ABHD2: variants seen among roughly 807,000 people sequenced by gnomAD.
ABHD2 encodes abhydrolase domain containing 2, acylglycerol lipase, also known as monoacylglycerol lipase ABHD2.
In ABHD2, 20 loss-of-function variants were observed where a neutral mutation model predicts 48.1. The observed-to-expected ratio is 0.42, with a 90% CI of 0.29 to 0.60. The LOEUF is 0.60. ABHD2 is among the 20% of genes least tolerant of loss of function. The pLI is 0.24. For synonymous variants in ABHD2, 209 were observed against 214.2 expected, an observed-to-expected ratio of 0.98 and a Z score of 0.21; for missense variants, 405 against 550.9, an observed-to-expected ratio of 0.74 and a Z score of 2.65.
upstream of ABHD2, chr15:89,087,692 G>C (rs80001795): frequency 0.02 from 3,090 of 152,376 alleles, 95 homozygotes; most frequent in African/African-American, 0.067. This position sits in a 1 kb window ranked among gnomAD's most constrained non-coding sequence, Gnocchi z 5.5. Flanking sequence ...CCACACAACC[G>C]GTAGGAGCCC....
intron 3 of ABHD2, among the ~76,000 whole-genome samples, chr15:89,123,802 G>C (rs2050090997): frequency 6.6e-6 from 1 of 151,916 alleles, no homozygotes; most frequent in Non-Finnish European, 1.5e-5. Context: ...GGTCTCACCT[G>C]TGTCACCATG....
chr15:89,073,896 C>A, the ABHD2 span, among the ~76,000 whole-genome samples: 2 of 152,170 alleles, frequency 1.3e-5, no homozygotes, highest in Non-Finnish European at 2.9e-5. Context: ...TAGATTAGAA[C>A]TACTCTTTTT....
At chr15:89,044,165 G>C in the ABHD2 span, among the ~76,000 whole-genome samples, 156 of 152,100 alleles carry the variant, frequency 1.0e-3, no homozygotes, top group South Asian at 2.5e-3. Flanking sequence ...TTGGTTTTTT[G>C]TTCTTGCGAT....
intron 1 of ABHD2, among the ~76,000 whole-genome samples, chr15:89,089,172 G>A (rs575814581): frequency 1.7e-4 from 26 of 152,334 alleles, no homozygotes; most frequent in Middle Eastern, 3.4e-3. Flanking sequence ...CTGCCAGGCC[G>A]GGCAGCTAGC....
At chr15:89,165,296 T>G (rs898254154) in intron 5 of ABHD2, among the ~76,000 whole-genome samples, 7 of 150,976 alleles carry the variant, frequency 4.6e-5, no homozygotes, top group Admixed American at 1.3e-4. Flanking sequence ...AAAAAATGTT[T>G]TTTTTTTTTA....
At chr15:89,068,773 T>TTG in the ABHD2 span, among the ~76,000 whole-genome samples, 1 of 125,616 alleles carries the variant, frequency 8.0e-6, no homozygotes, top group African/African-American at 3.2e-5. Flanking sequence ...TTTTTTTTTT[T>TTG]TTTTTTTTTT....
chr15:89,042,241 C>T, the ABHD2 span, among the ~76,000 whole-genome samples: 1 of 152,182 alleles, frequency 6.6e-6, no homozygotes, highest in Non-Finnish European at 1.5e-5. Flanking sequence ...CCCTGGCAGC[C>T]TGGATCCAGA....
rs1213799645 is a variant in ABHD2, at chr15:89,189,153, C to G, written c.926+850C>G. On this transcript the variant is annotated intron_variant, in intron 8 of 10. Transcript: ENST00000352732. The surrounding 1 kb of genome is among the most constrained non-coding windows in gnomAD (Gnocchi z 4.9). ...GAAAAAGGAAAAGTTGACCTCTGAT[C>G]TCATCATTCTCTTTAAATACGTGAT... is the stretch of plus-strand genomic sequence containing the variant. Among the ~76,000 whole-genome samples, 1 of 152,172 alleles carries G rather than the reference C, an allele frequency of 6.6e-6. No individual in the cohort carries two copies. Among genetic ancestry groups the G allele is most frequent in the African/African-American group, 2.4e-5 (1 of 41,438 alleles).
the ABHD2 span, among the ~76,000 whole-genome samples, chr15:89,080,729 C>G: frequency 6.8e-6 from 1 of 147,460 alleles, no homozygotes; most frequent in Non-Finnish European, 1.5e-5. Context: ...GAGTCTCACT[C>G]TGTCGCCCAG....
At chr15:89,073,301 G>T in the ABHD2 span, among the ~76,000 whole-genome samples, 1 of 151,960 alleles carries the variant, frequency 6.6e-6, no homozygotes, top group African/African-American at 2.4e-5. Context: ...AATATCTGGG[G>T]AATCTGTAGT....
the ABHD2 span, among the ~76,000 whole-genome samples, chr15:89,072,435 C>T: frequency 6.6e-6 from 1 of 151,164 alleles, no homozygotes; most frequent in African/African-American, 2.4e-5. Context: ...GAGATTGTGC[C>T]ACTGCTCTCC....
the ABHD2 span, among the ~76,000 whole-genome samples, chr15:89,047,381 G>T: frequency 5.3e-5 from 8 of 152,028 alleles, no homozygotes; most frequent in Non-Finnish European, 8.8e-5. Context: ...CTGTTGATTT[G>T]GGGTGGAGAG....
upstream of ABHD2, among the ~76,000 whole-genome samples, chr15:89,086,602 A>G (rs1901352262): frequency 2.6e-5 from 4 of 152,102 alleles, no homozygotes; most frequent in Admixed American, 2.6e-4. Flanking sequence ...TTTTGTAGAG[A>G]CGGGGTCTCA....
the ABHD2 span, among the ~76,000 whole-genome samples, chr15:89,078,913 A>G: frequency 6.4e-4 from 97 of 151,904 alleles, 3 homozygotes; most frequent in Non-Finnish European, 1.3e-4. Flanking sequence ...TGTACTTTTA[A>G]TAGACATGGG....
the ABHD2 span, among the ~76,000 whole-genome samples, chr15:89,042,736 T>G: frequency 6.6e-6 from 1 of 151,990 alleles, no homozygotes; most frequent in Admixed American, 6.6e-5. Context: ...AGCCTCTGCC[T>G]CCCGGGTTCA....
At chr15:89,078,445 TG>T in the ABHD2 span, among the ~76,000 whole-genome samples, 5 of 152,374 alleles carry the variant, frequency 3.3e-5, no homozygotes, top group African/African-American at 1.2e-4. Context: ...GCCTTCCTTT[TG>T]CTCCTAAACA....
In ABHD2 at chr15:89,106,015, T is replaced by C. The variant is rs1453172315; in HGVS notation, c.-106-7710T>C. Among the ~76,000 whole-genome samples the C allele has an allele frequency of 6.6e-6, 1 of 152,152 alleles. No individual in the cohort carries two copies. The highest frequency in any genetic ancestry group is 2.4e-5 in the African/African-American group (1 of 41,438). ...CTGTGCCCAGCCGAGAGGTGGTCTT[T>C]TAAAACCCAGAGTATTGGCCAGGTG... On this transcript the variant is annotated intron_variant, in intron 1 of 10. Transcript: ENST00000352732. The surrounding 1 kb of genome is among the most constrained non-coding windows in gnomAD (Gnocchi z 4.2).
At chr15:89,052,244 G>A in the ABHD2 span, among the ~76,000 whole-genome samples, 1 of 152,132 alleles carries the variant, frequency 6.6e-6, no homozygotes, top group Non-Finnish European at 1.5e-5. Context: ...TTTGTCTTGG[G>A]TATGGAATGG....
intron 5 of ABHD2, among the ~76,000 whole-genome samples, chr15:89,161,661 A>G (rs1323798453): frequency 6.6e-6 from 1 of 152,194 alleles, no homozygotes; most frequent in Non-Finnish European, 1.5e-5. Context: ...TCGGCCTCCC[A>G]AAGTGCTGGG....
Sources: gnomAD v4.1 joint callset for allele counts (sites outside exome capture counted in the v4.1 genomes callset) on GRCh38, gnomAD v4.1.1 for gene constraint, Gnocchi (gnomAD v3.1) non-coding constraint, MANE v1.5 for transcripts, NCBI Gene and HGNC (gene_info 2026-07-23, HGNC 2026-07-21) for gene names.